EED: variants seen among roughly 807,000 people sequenced by gnomAD.
EED encodes embryonic ectoderm development.
In EED, 9 loss-of-function variants were observed where a neutral mutation model predicts 61.0. That is an observed-to-expected ratio of 0.15 (90% confidence interval 0.09 to 0.26). The LOEUF (loss-of-function observed/expected upper bound fraction) is 0.26, where lower values mean the gene tolerates loss of function less well. EED is among the 10% of genes least tolerant of loss of function. The pLI, the probability that EED is intolerant of heterozygous loss-of-function variation, is 1.00. For missense variants in EED, 315 were observed against 542.3 expected (o/e 0.58, Z 4.16); for synonymous variants, 187 against 174.4 (o/e 1.07, Z -0.57).
At chr11:86,285,063 A>G in the EED span, among the ~76,000 whole-genome samples, 10 of 152,126 alleles carry the variant, frequency 6.6e-5, no homozygotes, top group Non-Finnish European at 8.8e-5. Flanking sequence ...GTGAGCTGAG[A>G]TTGTGCCACC....
intron 1 of EED, among the ~76,000 whole-genome samples, chr11:86,246,836 C>T (rs572208021): frequency 6.6e-6 from 1 of 152,284 alleles, no homozygotes; most frequent in Non-Finnish European, 1.5e-5. Flanking sequence ...AAGAGACTGA[C>T]ATAATTGTCT....
rs757042899 is a variant in EED, at chr11:86,245,256, G to A, written c.27G>A (p.Ala9=). 25 of 1,613,350 alleles carry A rather than the reference G, an allele frequency of 1.5e-5. No individual in the cohort carries two copies. Among genetic ancestry groups the A allele is most frequent in the Non-Finnish European group, 1.8e-5 (21 of 1,179,926 alleles). ...TGTCCGAGAGGGAAGTGTCGACTGCGCCGGCGGGAACAGACATGCCTGCGG... is the reference window on the plus strand; with the variant it reads ...TGTCCGAGAGGGAAGTGTCGACTGCACCGGCGGGAACAGACATGCCTGCGG... MSEREVST[A]PAGTDMPAAK... Residue 9 remains alanine, a synonymous_variant, in exon 1 of 12, where the codon GCG becomes GCA. Transcript: ENST00000263360.
intron 9 of EED, 60 bp from the exon 10 acceptor site, chr11:86,276,920 A>G: frequency 7.3e-7 from 1 of 1,378,870 alleles, no homozygotes; most frequent in Non-Finnish European, 9.5e-7. Context: ...CCTTGTTTTT[A>G]CTTTGTAAGA....
downstream of EED, among the ~76,000 whole-genome samples, chr11:86,283,417 T>C (rs1279568073): frequency 1.3e-5 from 2 of 152,252 alleles, no homozygotes; most frequent in Non-Finnish European, 2.9e-5. Flanking sequence ...ATTTCAATTA[T>C]CACCTACTAT....
rs1240504562 is a variant in EED, at chr11:86,250,345, C to G, written c.164C>G (p.Thr55Arg). ...GGTACAAACACTGAACGCCCTGATA[C>G]ACCTACAAACACGCCAAATGCACCT... ...ESGTNTERPD[T>R]PTNTPNAPGR... The change falls in exon 2 of 12, where the codon ACA (threonine) becomes AGA (arginine). Residue 55 changes from threonine (T) to arginine (R), a missense_variant. Transcript: ENST00000263360. 1 of 1,607,218 alleles carries G rather than the reference C, an allele frequency of 6.2e-7. No homozygotes were observed. The highest frequency in any genetic ancestry group is 8.5e-7 in the Non-Finnish European group (1 of 1,177,206).
Position 86,250,304 on chromosome 11 carries a change from T to C in EED, c.123T>C (p.Ala41=). ...PDLSGDENDD[A]VSIESGTNTE... ...TCATTTACTGCTTACAGGATGACGC[T>C]GTCAGTATAGAAAGTGGTACAAACA... Residue 41 remains alanine, a synonymous_variant, in exon 2 of 12, where the codon GCT becomes GCC. Transcript: ENST00000263360. The C allele has an allele frequency of 6.4e-7, 1 of 1,562,978 alleles. No homozygotes were observed. The highest frequency in any genetic ancestry group is 8.6e-7 in the Non-Finnish European group (1 of 1,158,190).
the EED span, among the ~76,000 whole-genome samples, chr11:86,285,427 G>GA: frequency 2.7e-5 from 4 of 149,946 alleles, no homozygotes; most frequent in Non-Finnish European, 4.5e-5. Flanking sequence ...CTCAAAAAAA[G>GA]AAAAAAAAAT....
chr11:86,245,246 TGTC>T lies in EED; in HGVS notation c.19_21del (p.Ser7del). 4 of 1,612,940 alleles carry T rather than the reference TGTC, an allele frequency of 2.5e-6. No individual in the cohort carries two copies. Among genetic ancestry groups the T allele is most frequent in the Non-Finnish European group, 3.4e-6 (4 of 1,179,736 alleles). On this transcript the variant is annotated inframe_deletion, in exon 1 of 12. Transcript: ENST00000263360. ...CGGAGGAATATGTCCGAGAGGGAAG[TGTC>T]GACTGCGCCGGCGGGAACAGACATG...
At chr11:86,270,163 G>T (rs1193035868) in intron 9 of EED, 1 of 700,262 alleles carries the variant, frequency 1.4e-6, no homozygotes, top group East Asian at 2.7e-5. Context: ...ATTTGGTATT[G>T]TCATTATTTT....
chr11:86,268,258 A>G, intron 8 of EED, 198 bp from the exon 9 acceptor site: 2 of 447,606 alleles, frequency 4.5e-6, no homozygotes, highest in South Asian at 7.6e-5. Flanking sequence ...ATTGGATAAT[A>G]ATGGAGAAAA....
chr11:86,264,370 C>T (rs1259225667), intron 7 of EED, 107 bp downstream of exon 7: 1 of 696,882 alleles, frequency 1.4e-6, no homozygotes, highest in East Asian at 2.6e-5. Flanking sequence ...GCCTGTCAGG[C>T]AGACATTCAC....
At chr11:86,269,469 G>A (rs1230411848) in intron 9 of EED, among the ~76,000 whole-genome samples, 1 of 152,100 alleles carries the variant, frequency 6.6e-6, no homozygotes, top group East Asian at 1.9e-4. Context: ...TGAATTTCAG[G>A]CCACTTCACA....
chr11:86,280,778 A>T (rs557979765), downstream of EED, among the ~76,000 whole-genome samples: 1 of 152,224 alleles, frequency 6.6e-6, no homozygotes, highest in African/African-American at 2.4e-5. Context: ...CTTTTCACTA[A>T]TGAGTATGAT....
intron 3 of EED, among the ~76,000 whole-genome samples, chr11:86,252,514 CT>C (rs369772003): frequency 7.2e-6 from 1 of 138,174 alleles, no homozygotes; most frequent in East Asian, 2.1e-4. Context: ...AATTGGCGTC[CT>C]TTTTTTTTTT....
rs777388152 is a variant in EED, at chr11:86,250,382, T to C, written c.201T>C (p.Ser67=). The part of the protein sequence containing the change: ...TNTPNAPGRK[S]WGKGKWKSKK... ...CGCCAAATGCACCTGGAAGGAAAAG[T>C]TGGGGAAAGGGAAAATGGAAGTCAA... The change falls in exon 2 of 12, where the codon AGT becomes AGC. Residue 67 remains serine (S), a synonymous_variant. Coordinates refer to ENST00000263360, the MANE Select transcript of EED (RefSeq NM_003797.5). 13 of 1,608,206 alleles carry C rather than the reference T, an allele frequency of 8.1e-6. No individual in the cohort carries two copies. The South Asian group carries it at 1.2e-4, about 15-fold the overall frequency.
intron 9 of EED, chr11:86,269,956 G>A (rs769781957): frequency 3.6e-6 from 2 of 561,862 alleles, no homozygotes; most frequent in Non-Finnish European, 6.3e-6. Flanking sequence ...CTGCTAATCA[G>A]CAGTTGTGTC....
chr11:86,274,405 C>G (rs1265002865), intron 9 of EED, among the ~76,000 whole-genome samples: 2 of 151,980 alleles, frequency 1.3e-5, no homozygotes, highest in African/African-American at 4.8e-5. Flanking sequence ...TTTTATGATT[C>G]TTGGTATGAA....
intron 9 of EED, among the ~76,000 whole-genome samples, chr11:86,275,598 A>C (rs1946209680): frequency 6.6e-6 from 1 of 152,224 alleles, no homozygotes; most frequent in South Asian, 2.1e-4. Flanking sequence ...CAGGGACTCC[A>C]GTACTTAAAA....
Position 86,278,384 on chromosome 11 carries a change from A to C in EED, c.1200-15A>C. On this transcript the variant is annotated splice_polypyrimidine_tract_variant and intron_variant, in intron 11 of 11. Coordinates refer to ENST00000263360, the MANE Select transcript of EED (RefSeq NM_003797.5). ...TATGTGTGGTCTTTAACCTGTTGTC[A>C]TGTTTTTTCCCTAGATGTACAACAC... 2 of 1,610,682 alleles carry C rather than the reference A, an allele frequency of 1.2e-6. No individual in the cohort carries two copies. The highest frequency in any genetic ancestry group is 8.5e-7 in the Non-Finnish European group (1 of 1,177,856).
Sources: allele counts gnomAD v4.1 joint callset (sites outside exome capture counted in the v4.1 genomes callset), GRCh38; gene constraint gnomAD v4.1.1; transcripts MANE v1.5; gene names NCBI Gene and HGNC (gene_info 2026-07-23, HGNC 2026-07-21).